The following CLVS1 variants were observed in gnomAD, a reference collection of about 807,000 sequenced individuals.
CLVS1 encodes clavesin-1.
In CLVS1, 10 loss-of-function variants were observed where a neutral mutation model predicts 33.1. That is an observed-to-expected ratio of 0.30 (90% CI 0.19 to 0.51). The LOEUF (loss-of-function observed/expected upper bound fraction) is 0.51. Among genes scored for constraint, CLVS1 ranks in the 20% least tolerant of loss-of-function variants. CLVS1 has a pLI of 0.97. For synonymous variants in CLVS1, 163 were observed against 166.1 expected (o/e 0.98, Z 0.14); for missense variants, 343 against 433.4 (o/e 0.79, Z 1.85).
chr8:61,093,069 CCTTTCCTTTT>C (rs1285625628), intron 1 of CLVS1, among the ~76,000 whole-genome samples: 1 of 152,176 alleles, frequency 6.6e-6, no homozygotes, highest in Non-Finnish European at 1.5e-5. Context: ...ACATCTGACT[CCTTTCCTTTT>C]CTTTCTTCTT....
chr8:61,449,526 C>G (rs1816878207), intron 3 of CLVS1, among the ~76,000 whole-genome samples: 1 of 152,180 alleles, frequency 6.6e-6, no homozygotes, highest in Non-Finnish European at 1.5e-5. Context: ...TCAGACTTTG[C>G]TAGCATGGTT....
intron 2 of CLVS1, among the ~76,000 whole-genome samples, chr8:61,194,079 G>T (rs1328360877): frequency 6.6e-6 from 1 of 151,952 alleles, no homozygotes; most frequent in Non-Finnish European, 1.5e-5. Flanking sequence ...TCATTTCAAA[G>T]TCATAGTGGG....
chr8:61,150,538 C>G (rs1278100324), intron 2 of CLVS1, among the ~76,000 whole-genome samples: 2 of 152,130 alleles, frequency 1.3e-5, no homozygotes, highest in Admixed American at 6.5e-5. Flanking sequence ...CCACCCCCAG[C>G]CCTCCTCCCC....
intron 2 of CLVS1, among the ~76,000 whole-genome samples, chr8:61,317,261 G>T (rs1001772800): frequency 6.6e-6 from 1 of 152,300 alleles, no homozygotes; most frequent in Non-Finnish European, 1.5e-5. Context: ...CCAGAGGGCA[G>T]GAATGTTGTG....
At chr8:61,466,831 T>G (rs1157538324) in intron 5 of CLVS1, among the ~76,000 whole-genome samples, 1 of 152,054 alleles carries the variant, frequency 6.6e-6, no homozygotes, top group Non-Finnish European at 1.5e-5. Flanking sequence ...GTATTTTTAG[T>G]AGAGATGGGG....
intron 5 of CLVS1, among the ~76,000 whole-genome samples, chr8:61,490,391 G>A (rs1463788934): frequency 3.3e-5 from 5 of 151,928 alleles, no homozygotes; most frequent in African/African-American, 7.2e-5. Flanking sequence ...AAATTGGGCC[G>A]GGCTCTGTGG....
intron 5 of CLVS1, among the ~76,000 whole-genome samples, chr8:61,463,034 G>C (rs577055063): frequency 6.6e-6 from 1 of 152,300 alleles, no homozygotes; most frequent in South Asian, 2.1e-4. Context: ...CTTCATCAAT[G>C]ATCTTTCCTA....
rs1047802219 is a variant in CLVS1, at chr8:61,500,557, G to A, written c.*1015G>A. 2 of 152,202 alleles carry A rather than the reference G, an allele frequency of 1.3e-5. No individual in the cohort carries two copies. The highest frequency in any genetic ancestry group is 2.9e-5 in the Non-Finnish European group (2 of 68,032). The allele number at this position is 152,202 out of a possible 1,614,324, so 9.4% of individuals were successfully genotyped here. A position where few individuals can be genotyped will look rare whatever the true frequency, so the allele number is the denominator to read the frequency against. ...TAAGAGAAGACTAGAAATGCAGGAT[G>A]AAATGTCAAAGGTCATTTTATTTAC... On this transcript the variant is annotated 3_prime_UTR_variant, in exon 6 of 6. Transcript: ENST00000325897.
intron 3 of CLVS1, among the ~76,000 whole-genome samples, chr8:61,437,035 C>T (rs1226982812): frequency 6.6e-6 from 1 of 152,112 alleles, no homozygotes; most frequent in African/African-American, 2.4e-5. Context: ...GCCCAAAGAA[C>T]AGATAATAGT....
the CLVS1 span, among the ~76,000 whole-genome samples, chr8:60,977,611 T>C: frequency 3.9e-5 from 6 of 152,250 alleles, no homozygotes; most frequent in Non-Finnish European, 8.8e-5. Flanking sequence ...TTGAGACAAT[T>C]GAGACTATCC....
At chr8:61,421,132 G>A (rs1014267004) in intron 3 of CLVS1, among the ~76,000 whole-genome samples, 33 of 152,148 alleles carry the variant, frequency 2.2e-4, no homozygotes, top group African/African-American at 2.9e-4. Context: ...TGGGATAAAA[G>A]TTCCATTCTG....
At chr8:61,346,659 C>G (rs1297260367) in intron 2 of CLVS1, among the ~76,000 whole-genome samples, 2 of 152,078 alleles carry the variant, frequency 1.3e-5, no homozygotes, top group Non-Finnish European at 2.9e-5. Context: ...TTTTTTCCCC[C>G]AGATAAAGTA....
At chr8:61,409,827 A>T (rs1214715446) in intron 3 of CLVS1, among the ~76,000 whole-genome samples, 1 of 152,202 alleles carries the variant, frequency 6.6e-6, no homozygotes, top group East Asian at 1.9e-4. Flanking sequence ...ACAACCTGAT[A>T]GATGAAAAAT....
intron 2 of CLVS1, among the ~76,000 whole-genome samples, chr8:61,305,365 C>T (rs1810585177): frequency 6.6e-6 from 1 of 152,056 alleles, no homozygotes; most frequent in Non-Finnish European, 1.5e-5. Context: ...AACCACCAAT[C>T]TACTCTCTAT....
chr8:61,212,897 TC>T (rs1808002086), intron 2 of CLVS1, among the ~76,000 whole-genome samples: 1 of 152,110 alleles, frequency 6.6e-6, no homozygotes, highest in Admixed American at 6.5e-5. Context: ...CCCTCCATCA[TC>T]CTCTGGCAGT....
At chr8:61,121,328 G>C (rs112979041) in intron 1 of CLVS1, among the ~76,000 whole-genome samples, 9 of 152,128 alleles carry the variant, frequency 5.9e-5, no homozygotes, top group Non-Finnish European at 1.0e-4. Context: ...AGAAATCACC[G>C]TCTTCTGCGT....
intron 2 of CLVS1, chr8:61,300,804 A>T (rs1423819007): frequency 6.6e-6 from 1 of 152,538 alleles, no homozygotes; most frequent in Non-Finnish European, 1.5e-5. Flanking sequence ...TGAAAGCATC[A>T]TCTTTCTCAT....
chr8:61,490,214 T>C (rs1532255), intron 5 of CLVS1, among the ~76,000 whole-genome samples: 111,856 of 151,202 alleles, frequency 0.74, 43,154 homozygotes, highest in Non-Finnish European at 0.86. Context: ...ACTCGGTTGG[T>C]TGAGGCAGGA....
chr8:61,458,532 C>G lies in CLVS1; in HGVS notation c.967C>G (p.Leu323Val). 4 of 1,604,516 alleles carry G rather than the reference C, an allele frequency of 2.5e-6. No homozygotes were observed. Among genetic ancestry groups the G allele is most frequent in the Non-Finnish European group, 3.4e-6 (4 of 1,174,814 alleles). Residue 323 changes from leucine (L) to valine (V), a missense_variant, in exon 5 of 6, where the codon CTG becomes GTG. By Grantham distance (32) the Leu-to-Val change is conservative. Around this residue, in one of 4 missense-constraint regions of CLVS1, gnomAD observed 86 missense variants for 95.0 expected, o/e 0.91. Coordinates refer to ENST00000325897, the MANE Select transcript of CLVS1 (RefSeq NM_173519.3). The part of the protein sequence containing the change: ...SNLERECSPK[L>V]MKRSQSVVEA... ...TCTGGAGAGAGAATGCTCACCCAAG[C>G]TGATGAAAAGGTAAGGCCTGGGTTA... is the stretch of plus-strand genomic sequence containing the variant.
Sources: gnomAD v4.1 joint callset for allele counts (sites outside exome capture counted in the v4.1 genomes callset) on GRCh38, gnomAD v4.1.1 for gene constraint, gnomAD v4.1.1 regional missense constraint, MANE v1.5 for transcripts, NCBI Gene and HGNC (gene_info 2026-07-23, HGNC 2026-07-21) for gene names.